Variants in ZNF385B observed in about 807,000 individuals in gnomAD.
ZNF385B encodes the protein zinc finger protein 533.
In ZNF385B, 23 loss-of-function variants were observed where a neutral mutation model predicts 39.2. The ratio of observed to expected loss-of-function variants is 0.59; its 90% CI spans 0.42 to 0.83. The LOEUF is 0.83. Among genes scored for constraint, ZNF385B ranks in the 40% least tolerant of loss-of-function variants. The probability of loss-of-function intolerance (pLI) is 0.00; values close to 1 mark genes in which losing one functional copy is unlikely to be tolerated. For missense variants in ZNF385B, 552 were observed against 598.9 expected (o/e 0.92, Z 0.82); for synonymous variants, 205 against 222.6 (o/e 0.92, Z 0.70).
At chr2:179,685,303 C>G (rs1697835445) in intron 3 of ZNF385B, among the ~76,000 whole-genome samples, 1 of 152,304 alleles carries the variant, frequency 6.6e-6, no homozygotes, top group African/African-American at 2.4e-5. Context: ...GATCTATTTT[C>G]CAGATCATCA....
At chr2:179,599,142 T>C (rs998634227) in intron 3 of ZNF385B, among the ~76,000 whole-genome samples, 4 of 152,240 alleles carry the variant, frequency 2.6e-5, no homozygotes, top group African/African-American at 9.6e-5. Flanking sequence ...GCTTTTTTGC[T>C]GTACCTTTTC....
chr2:179,790,444 GT>G (rs1229220186), intron 1 of ZNF385B, among the ~76,000 whole-genome samples: 1 of 152,152 alleles, frequency 6.6e-6, no homozygotes, highest in Non-Finnish European at 1.5e-5. Context: ...GCCCAGGCCT[GT>G]AGTGTCTGAT....
intron 5 of ZNF385B, among the ~76,000 whole-genome samples, chr2:179,505,791 G>T (rs1420180022): frequency 6.6e-6 from 1 of 151,998 alleles, no homozygotes; most frequent in Non-Finnish European, 1.5e-5. Context: ...TTCACTTCAG[G>T]TGCAGGAAAT....
chr2:179,689,216 G>A (rs1322468972), intron 3 of ZNF385B, among the ~76,000 whole-genome samples: 1 of 152,198 alleles, frequency 6.6e-6, no homozygotes, highest in Non-Finnish European at 1.5e-5. Flanking sequence ...ACACTCTAGG[G>A]TATGCTGAGG....
intron 3 of ZNF385B, among the ~76,000 whole-genome samples, chr2:179,729,943 A>G (rs751938487): frequency 1.3e-5 from 2 of 152,164 alleles, no homozygotes; most frequent in South Asian, 4.1e-4. Flanking sequence ...CTCCCCAGCC[A>G]TCTGGAACTG....
intron 1 of ZNF385B, among the ~76,000 whole-genome samples, chr2:179,800,735 A>G (rs908353895): frequency 1.3e-5 from 2 of 152,068 alleles, no homozygotes; most frequent in Non-Finnish European, 2.9e-5. Context: ...GAATAGGTCA[A>G]TGAGCCTCCA....
intron 3 of ZNF385B, among the ~76,000 whole-genome samples, chr2:179,584,649 C>T (rs1686898319): frequency 6.6e-6 from 1 of 152,024 alleles, no homozygotes; most frequent in African/African-American, 2.4e-5. Context: ...AGTAGGAAAA[C>T]CTACATATGC....
chr2:179,735,284 C>T (rs1701671836), intron 3 of ZNF385B, among the ~76,000 whole-genome samples: 1 of 149,222 alleles, frequency 6.7e-6, no homozygotes. Context: ...TGAAAAATTG[C>T]TCATCATCAC....
At chr2:179,821,368 T>C (rs1707385567) in intron 1 of ZNF385B, among the ~76,000 whole-genome samples, 1 of 152,138 alleles carries the variant, frequency 6.6e-6, no homozygotes, top group African/African-American at 2.4e-5. Context: ...ACAGTTGGAT[T>C]CCCTCCAACA....
intron 3 of ZNF385B, among the ~76,000 whole-genome samples, chr2:179,768,917 C>T (rs912069564): frequency 2.0e-5 from 3 of 152,140 alleles, no homozygotes; most frequent in Non-Finnish European, 4.4e-5. Context: ...CAAGTGAAAG[C>T]GATGGATGAT....
At chr2:179,445,824 T>G in intron 7 of ZNF385B, 96 bp from the exon 8 acceptor site, 1 of 1,167,458 alleles carries the variant, frequency 8.6e-7, no homozygotes, top group Non-Finnish European at 1.2e-6. Flanking sequence ...CAGGCTAAAA[T>G]TCCCAATGCT....
chr2:179,651,025 A>G (rs181407191), intron 3 of ZNF385B, among the ~76,000 whole-genome samples: 221 of 152,316 alleles, frequency 1.5e-3, no homozygotes, highest in African/African-American at 5.0e-3. Flanking sequence ...TGCCGCTGGT[A>G]TTACTCGAAG....
intron 3 of ZNF385B, among the ~76,000 whole-genome samples, chr2:179,662,523 A>G (rs1694618051): frequency 6.6e-6 from 1 of 152,144 alleles, no homozygotes; most frequent in South Asian, 2.1e-4. Context: ...AGTATATGCT[A>G]ATTTCATAAA....
chr2:179,582,607 C>T (rs1686656765), intron 3 of ZNF385B, among the ~76,000 whole-genome samples: 2 of 152,150 alleles, frequency 1.3e-5, no homozygotes, highest in Non-Finnish European at 2.9e-5. Context: ...TCCCTACACA[C>T]ATGGAGATTA....
chr2:179,483,530 C>G, intron 5 of ZNF385B, 96 bp from the exon 6 acceptor site: 9 of 1,510,722 alleles, frequency 6.0e-6, no homozygotes, highest in Non-Finnish European at 8.1e-6. Flanking sequence ...TCATAGGCAC[C>G]ACAGACATTT....
In ZNF385B at chr2:179,548,156, C is replaced by A. The variant is rs557761800; in HGVS notation, c.299-3187G>T. ...AGTTTTTTCCAAATATAAGATGATA[C>A]CATCTGCAAATAATGATAATTTGAC... On this transcript the variant is annotated intron_variant, in intron 3 of 9. Coordinates refer to ENST00000410066, the MANE Select transcript of ZNF385B (RefSeq NM_152520.6). 1.5e-4 allele frequency among the ~76,000 whole-genome samples: 22 copies of A among 149,572 alleles called. 3 individuals are homozygous for A. Among genetic ancestry groups the A allele is most frequent in the African/African-American group, 5.3e-4 (21 of 39,846 alleles).
chr2:179,539,184 G>A (rs1191584445), intron 4 of ZNF385B, among the ~76,000 whole-genome samples: 1 of 152,182 alleles, frequency 6.6e-6, no homozygotes, highest in Admixed American at 6.5e-5. Context: ...GTGGGGTTCC[G>A]AGTGAGGGCT....
intron 4 of ZNF385B, among the ~76,000 whole-genome samples, chr2:179,526,587 C>T (rs1313198408): frequency 6.6e-6 from 1 of 151,716 alleles, no homozygotes; most frequent in Non-Finnish European, 1.5e-5. Context: ...AAGAGCGAAA[C>T]TCTGTCTCAA....
intron 3 of ZNF385B, among the ~76,000 whole-genome samples, chr2:179,647,975 T>C (rs3112937): frequency 1 from 151,903 of 152,224 alleles, 75,791 homozygotes; most frequent in Middle Eastern, 1. Flanking sequence ...CTTGGGGACT[T>C]AGAAAAGGGG....
Sources: allele counts gnomAD v4.1 joint callset (sites outside exome capture counted in the v4.1 genomes callset), GRCh38; gene constraint gnomAD v4.1.1; transcripts MANE v1.5; gene names NCBI Gene and HGNC (gene_info 2026-07-23, HGNC 2026-07-21).